The following BNC2 variants were observed in gnomAD, a reference collection of about 807,000 sequenced individuals.
BNC2 encodes the protein basonuclin zinc finger protein 2.
A neutral mutation model predicts 76.3 loss-of-function variants in BNC2; 20 were observed. The observed-to-expected ratio is 0.26, with a 90% CI of 0.18 to 0.38. The LOEUF is 0.38. BNC2 is among the 10% of genes least tolerant of loss of function. The pLI, the probability that BNC2 is intolerant of heterozygous loss-of-function variation, is 1.00. For synonymous variants in BNC2, 582 were observed against 514.8 expected (o/e 1.13, Z -1.77); for missense variants, 1,382 against 1,399.8 (o/e 0.99, Z 0.20).
intron 4 of BNC2, among the ~76,000 whole-genome samples, chr9:16,560,581 G>T (rs917728768): frequency 1.3e-5 from 2 of 151,966 alleles, no homozygotes; most frequent in Non-Finnish European, 1.5e-5. Flanking sequence ...GCCAGGCAAG[G>T]ACAAGTGTGG....
In BNC2 at chr9:16,780,235, C is replaced by CAAAAAAAAAAAA; in HGVS notation, c.4-41762_4-41751dup. Among the ~76,000 whole-genome samples, 339 of 64,630 alleles carry CAAAAAAAAAAAA rather than the reference C, an allele frequency of 5.2e-3. 4 individuals are homozygous for CAAAAAAAAAAAA. The highest frequency in any genetic ancestry group is 7.5e-3 in the Non-Finnish European group (265 of 35,392). 42.4% of individuals were successfully genotyped at this position (64,630 alleles called of 152,430 possible). A position where few individuals can be genotyped will look rare whatever the true frequency, so the allele number is the denominator to read the frequency against. Reference sequence around the variant, plus strand: ...TGGGTGACAGAGCAAGACTTCGTTTCAAAAAAAAAAAAAAAAAAAAACAAA... The same window carrying CAAAAAAAAAAAA: ...TGGGTGACAGAGCAAGACTTCGTTTCAAAAAAAAAAAAAAAAAAAAAAAAAAAAAAAAACAAA... On this transcript the variant is annotated intron_variant, in intron 1 of 6. Coordinates refer to ENST00000380672, the MANE Select transcript of BNC2 (RefSeq NM_017637.6).
intron 1 of BNC2, among the ~76,000 whole-genome samples, chr9:16,747,271 A>C (rs1045899985): frequency 6.6e-6 from 1 of 152,190 alleles, no homozygotes; most frequent in Non-Finnish European, 1.5e-5. Flanking sequence ...CAGACTCTTA[A>C]GAATTACAGA....
At chr9:16,463,565 G>C (rs528594398) in intron 5 of BNC2, among the ~76,000 whole-genome samples, 23 of 151,622 alleles carry the variant, frequency 1.5e-4, no homozygotes, top group African/African-American at 4.6e-4. Flanking sequence ...CAAAGTGCTG[G>C]GACTACAGGC....
At chr9:16,633,000 A>G (rs1287500055) in intron 3 of BNC2, among the ~76,000 whole-genome samples, 1 of 152,170 alleles carries the variant, frequency 6.6e-6, no homozygotes, top group Non-Finnish European at 1.5e-5. Context: ...ATTATATCTA[A>G]AATTGTTGCT....
At chr9:16,614,321 T>A (rs1820634937) in intron 3 of BNC2, among the ~76,000 whole-genome samples, 1 of 152,106 alleles carries the variant, frequency 6.6e-6, no homozygotes, top group African/African-American at 2.4e-5. Flanking sequence ...GTCTTACTCA[T>A]CACAGCCTCC....
chr9:16,843,075 A>T (rs1167487838), intron 1 of BNC2, among the ~76,000 whole-genome samples: 2 of 152,220 alleles, frequency 1.3e-5, no homozygotes, highest in African/African-American at 2.4e-5. Flanking sequence ...TGTACACTTT[A>T]AAAAGTTGAG....
rs140756906 is a variant in BNC2, at chr9:16,767,605, G to A, written c.4-29120C>T. On this transcript the variant is annotated intron_variant, in intron 1 of 6. Coordinates refer to ENST00000380672, the MANE Select transcript of BNC2 (RefSeq NM_017637.6). ...AGGCACTGGGGAAAAAGTATGAGAG[G>A]GTTGTATGCTCTGCCAAGAGGTTCA... Among the ~76,000 whole-genome samples the A allele has an allele frequency of 4.4e-3, 666 of 152,138 alleles. 1 individual carries two copies. Among genetic ancestry groups the A allele is most frequent in the African/African-American group, 0.015 (629 of 41,496 alleles).
Position 16,811,324 on chromosome 9 carries a change from G to A in BNC2, c.3+59322C>T, listed in dbSNP as rs561161039. Among the ~76,000 whole-genome samples, 31 of 151,578 alleles carry A rather than the reference G, an allele frequency of 2.0e-4. No individual in the cohort carries two copies. The East Asian group carries it at 5.4e-3, about 27-fold the overall frequency. ...CCAGAACTTTGGGAGGCCAACGCGG[G>A]TGGATCATGTGAGGTCAGGAGTTCA... is the stretch of plus-strand genomic sequence containing the variant. On this transcript the variant is annotated intron_variant, in intron 1 of 6. Transcript: ENST00000380672.
intron 5 of BNC2, among the ~76,000 whole-genome samples, chr9:16,459,517 A>C (rs1771643550): frequency 6.6e-6 from 1 of 152,180 alleles, no homozygotes; most frequent in Non-Finnish European, 1.5e-5. Flanking sequence ...ACTAGGAAGA[A>C]CACACCTATT....
chr9:16,800,539 T>C lies in BNC2; in HGVS notation c.4-62054A>G, dbSNP rs182499848. Among the ~76,000 whole-genome samples, 13 of 152,094 alleles carry C rather than the reference T, an allele frequency of 8.5e-5. No individual in the cohort carries two copies. The East Asian group carries it at 2.1e-3, about 25-fold the overall frequency. On this transcript the variant is annotated intron_variant, in intron 1 of 6. Coordinates refer to ENST00000380672, the MANE Select transcript of BNC2 (RefSeq NM_017637.6). ...ACCAGTAAAAGCACTACTTTTGTAA[T>C]GCGAAGAGGCACTGGAACTCTTTTT...
intron 1 of BNC2, among the ~76,000 whole-genome samples, chr9:16,798,325 T>A (rs1817703798): frequency 6.6e-6 from 1 of 152,190 alleles, no homozygotes; most frequent in Non-Finnish European, 1.5e-5. Flanking sequence ...AGGGACTTTA[T>A]CCAAATCACC....
At chr9:16,759,258 T>C (rs551354375) in intron 1 of BNC2, among the ~76,000 whole-genome samples, 1 of 152,226 alleles carries the variant, frequency 6.6e-6, no homozygotes, top group African/African-American at 2.4e-5. Flanking sequence ...ACTATTTTTG[T>C]ACTTTGTTAT....
At chr9:16,506,752 T>C (rs532380943) in intron 5 of BNC2, among the ~76,000 whole-genome samples, 1 of 146,726 alleles carries the variant, frequency 6.8e-6, no homozygotes, top group South Asian at 2.1e-4. Context: ...TTGTTTGGTT[T>C]TTTTTGTTTG....
intron 5 of BNC2, among the ~76,000 whole-genome samples, chr9:16,459,983 TG>T (rs2131212800): frequency 6.6e-6 from 1 of 152,298 alleles, no homozygotes; most frequent in South Asian, 2.1e-4. Context: ...AAAGCGCACG[TG>T]CAAGTGAGTA....
chr9:16,497,646 A>G (rs1822417797), intron 5 of BNC2, among the ~76,000 whole-genome samples: 2 of 152,176 alleles, frequency 1.3e-5, no homozygotes, highest in South Asian at 2.1e-4. Context: ...AAATCGCTCT[A>G]AAGAAAATAC....
intron 3 of BNC2, among the ~76,000 whole-genome samples, chr9:16,669,369 G>A (rs546604930): frequency 6.6e-6 from 1 of 152,222 alleles, no homozygotes; most frequent in East Asian, 1.9e-4. Context: ...GCTAAGGTAT[G>A]TTAACCTCAA....
At chr9:16,425,815 A>AT (rs1820794258) in intron 6 of BNC2, among the ~76,000 whole-genome samples, 1 of 152,250 alleles carries the variant, frequency 6.6e-6, no homozygotes, top group African/African-American at 2.4e-5. Flanking sequence ...TGTGGAATGC[A>AT]TAAAAAATGT....
intron 5 of BNC2, among the ~76,000 whole-genome samples, chr9:16,534,618 TGTAG>T (rs1818075009): frequency 6.6e-6 from 1 of 152,150 alleles, no homozygotes; most frequent in African/African-American, 2.4e-5. Flanking sequence ...TATCGTCTTT[TGTAG>T]GTAGGTATAC....
At chr9:16,845,909 G>A (rs531113113) in intron 1 of BNC2, among the ~76,000 whole-genome samples, 1 of 152,044 alleles carries the variant, frequency 6.6e-6, no homozygotes, top group Non-Finnish European at 1.5e-5. Context: ...CAGCACTTTG[G>A]GAGGCCGAGA....
Sources: gnomAD v4.1 joint callset for allele counts (sites outside exome capture counted in the v4.1 genomes callset) on GRCh38, gnomAD v4.1.1 for gene constraint, MANE v1.5 for transcripts, NCBI Gene and HGNC (gene_info 2026-07-23, HGNC 2026-07-21) for gene names.